Variants in TAFA1 observed in about 807,000 individuals in gnomAD.
TAFA1 encodes TAFA chemokine like family member 1.
A neutral mutation model predicts 18.5 loss-of-function variants in TAFA1; 4 were observed. That is an observed-to-expected ratio of 0.22 (90% CI 0.11 to 0.49). The LOEUF is 0.49. Ranked by LOEUF, TAFA1 falls within the 20% of genes least tolerant of loss-of-function variation. The pLI, the probability that TAFA1 is intolerant of heterozygous loss-of-function variation, is 0.98. For missense variants in TAFA1, 147 were observed against 169.0 expected, an observed-to-expected ratio of 0.87 and a Z score of 0.72; for synonymous variants, 56 against 55.2, an observed-to-expected ratio of 1.01 and a Z score of -0.06.
upstream of TAFA1, among the ~76,000 whole-genome samples, chr3:68,002,934 A>G (rs1272501973): frequency 6.6e-6 from 1 of 152,234 alleles, no homozygotes; most frequent in Non-Finnish European, 1.5e-5. Flanking sequence ...TGAAGGTTTG[A>G]TAAACATTAC....
intron 3 of TAFA1, among the ~76,000 whole-genome samples, chr3:68,515,778 C>G (rs1377451300): frequency 1.3e-5 from 2 of 152,132 alleles, no homozygotes; most frequent in African/African-American, 4.8e-5. Flanking sequence ...GATCTTCTTC[C>G]CAGGATTGCT....
At chr3:68,114,467 A>G (rs1186791606) in intron 2 of TAFA1, among the ~76,000 whole-genome samples, 1 of 152,256 alleles carries the variant, frequency 6.6e-6, no homozygotes, top group African/African-American at 2.4e-5. Flanking sequence ...GATCATATAC[A>G]GGAGCCAATA....
chr3:68,154,093 T>C (rs949871638), intron 2 of TAFA1, among the ~76,000 whole-genome samples: 4 of 152,182 alleles, frequency 2.6e-5, no homozygotes, highest in African/African-American at 9.6e-5. Flanking sequence ...CATTGTCTGA[T>C]TGCTTATTTG....
At chr3:68,117,364 T>C (rs533834115) in intron 2 of TAFA1, among the ~76,000 whole-genome samples, 2 of 152,288 alleles carry the variant, frequency 1.3e-5, no homozygotes, top group South Asian at 2.1e-4. Context: ...GTGGCAACAG[T>C]GTATCAGATT....
rs56680758 is a variant in TAFA1, at chr3:68,060,204, T to TTGTGTGTG, written c.118+53472_118+53479dup. ...TGCAACTGTGTGTGTGTGTGTGTGT[T>TTGTGTGTG]TGTGTGTGTGTGTGTGTGTCTTTCA... On this transcript the variant is annotated intron_variant, in intron 2 of 4. Transcript: ENST00000478136. Among the ~76,000 whole-genome samples, 18 of 150,130 alleles carry TTGTGTGTG rather than the reference T, an allele frequency of 1.2e-4. No individual in the cohort carries two copies. The East Asian group carries it at 2.2e-3, about 18-fold the overall frequency.
intron 3 of TAFA1, among the ~76,000 whole-genome samples, chr3:68,488,154 C>T (rs1334981208): frequency 6.6e-6 from 1 of 152,158 alleles, no homozygotes; most frequent in Non-Finnish European, 1.5e-5. Context: ...TTGACTCACA[C>T]AATCACAAGG....
At chr3:68,005,365 A>T (rs1704339085) in intron 1 of TAFA1, among the ~76,000 whole-genome samples, 1 of 152,224 alleles carries the variant, frequency 6.6e-6, no homozygotes, top group Non-Finnish European at 1.5e-5. Context: ...TGTTGAAAAT[A>T]ATGTTTTCCT....
chr3:68,423,228 G>C (rs1206588325), intron 3 of TAFA1, among the ~76,000 whole-genome samples: 1 of 152,022 alleles, frequency 6.6e-6, no homozygotes, highest in African/African-American at 2.4e-5. Context: ...GCTATTATGT[G>C]CTACTGTCCC....
chr3:68,417,071 C>A (rs2070853525), intron 2 of TAFA1, among the ~76,000 whole-genome samples: 1 of 152,136 alleles, frequency 6.6e-6, no homozygotes, highest in South Asian at 2.1e-4. Context: ...TGAGGGCTAT[C>A]CATTGGTATT....
chr3:68,434,439 A>G (rs1429513640), intron 3 of TAFA1, among the ~76,000 whole-genome samples: 1 of 152,010 alleles, frequency 6.6e-6, no homozygotes. Flanking sequence ...CAACCATAGA[A>G]CCTTATTAGA....
At chr3:68,082,045 C>G (rs200223994) in intron 2 of TAFA1, among the ~76,000 whole-genome samples, 27 of 152,200 alleles carry the variant, frequency 1.8e-4, no homozygotes, top group African/African-American at 6.3e-4. Flanking sequence ...ATTGGAAAAG[C>G]GCAGTACTCG....
chr3:68,400,956 C>T (rs144123813), intron 2 of TAFA1, among the ~76,000 whole-genome samples: 1 of 152,284 alleles, frequency 6.6e-6, no homozygotes, highest in African/African-American at 2.4e-5. Context: ...GGGCAAATTA[C>T]TGTTCTAGCC....
chr3:68,156,697 A>G (rs1316990935), intron 2 of TAFA1, among the ~76,000 whole-genome samples: 3 of 152,196 alleles, frequency 2.0e-5, no homozygotes, highest in African/African-American at 7.2e-5. Flanking sequence ...ATATAACTTC[A>G]AAATGATGAA....
intron 2 of TAFA1, among the ~76,000 whole-genome samples, chr3:68,217,049 T>C (rs1238928463): frequency 1.1e-4 from 16 of 152,174 alleles, no homozygotes; most frequent in African/African-American, 3.6e-4. Flanking sequence ...TTCTGCATTG[T>C]GACTTTCTTC....
intron 2 of TAFA1, among the ~76,000 whole-genome samples, chr3:68,143,508 T>C (rs2065696538): frequency 6.6e-6 from 1 of 152,204 alleles, no homozygotes; most frequent in South Asian, 2.1e-4. Flanking sequence ...TCAGCATATT[T>C]ACTTTGGGGC....
At chr3:68,036,192 G>A (rs1419873435) in intron 2 of TAFA1, among the ~76,000 whole-genome samples, 1 of 152,114 alleles carries the variant, frequency 6.6e-6, no homozygotes, top group Non-Finnish European at 1.5e-5. Flanking sequence ...AGTAATTCTA[G>A]CACTTTGGGA....
chr3:68,039,192 C>T (rs1239075183), intron 2 of TAFA1, among the ~76,000 whole-genome samples: 2 of 152,146 alleles, frequency 1.3e-5, no homozygotes, highest in Non-Finnish European at 2.9e-5. Context: ...AATTCATTTG[C>T]TTAATCTTCT....
chr3:68,476,330 C>T (rs1461844509), intron 3 of TAFA1, among the ~76,000 whole-genome samples: 1 of 152,176 alleles, frequency 6.6e-6, no homozygotes, highest in Non-Finnish European at 1.5e-5. Context: ...CAGAAACCTG[C>T]AGCCATTCAA....
chr3:68,054,146 C>G (rs2106709693), intron 2 of TAFA1, among the ~76,000 whole-genome samples: 1 of 152,200 alleles, frequency 6.6e-6, no homozygotes, highest in East Asian at 1.9e-4. Flanking sequence ...GATGCTTGTC[C>G]CTTCCAAATT....
Sources: allele counts gnomAD v4.1 joint callset (sites outside exome capture counted in the v4.1 genomes callset), GRCh38; gene constraint gnomAD v4.1.1; transcripts MANE v1.5; gene names NCBI Gene and HGNC (gene_info 2026-07-23, HGNC 2026-07-21).